Variants in PLCD1 observed in about 807,000 individuals in gnomAD.
The protein encoded by PLCD1 is 1-phosphatidylinositol 4,5-bisphosphate phosphodiesterase delta-1.
A neutral mutation model predicts 87.4 loss-of-function variants in PLCD1; 71 were observed. The ratio of observed to expected loss-of-function variants is 0.81; its 90% CI spans 0.67 to 0.99. The LOEUF (loss-of-function observed/expected upper bound fraction) is 0.99, where lower values mean the gene tolerates loss of function less well. Among genes scored for constraint, PLCD1 ranks in the 50% least tolerant of loss-of-function variants. The pLI is 0.00. For synonymous variants in PLCD1, 348 were observed against 399.2 expected, an observed-to-expected ratio of 0.87 and a Z score of 1.53; for missense variants, 867 against 1,001.5, an observed-to-expected ratio of 0.87 and a Z score of 1.81.
rs758799737 is a variant in PLCD1 at position 38,011,207 on chromosome 3, C to T, written c.790+7G>A. 6.3e-7 allele frequency: 1 copy of T among 1,599,782 alleles called. No individual in the cohort carries two copies. The highest frequency in any genetic ancestry group is 8.5e-7 in the Non-Finnish European group (1 of 1,173,380). On this transcript the variant is annotated splice_region_variant and intron_variant, in intron 5 of 14. Coordinates refer to ENST00000334661, the MANE Select transcript of PLCD1 (RefSeq NM_006225.4). ...CTGCAGGTAGCAGGCCCTGGTCAGGCTCTCACCAGTCTCGCTGGGCTCGTA... is the reference window on the plus strand; with the variant it reads ...CTGCAGGTAGCAGGCCCTGGTCAGGTTCTCACCAGTCTCGCTGGGCTCGTA...
At chr3:38,015,954 A>T (rs1700148453) in intron 3 of PLCD1, among the ~76,000 whole-genome samples, 1 of 152,154 alleles carries the variant, frequency 6.6e-6, no homozygotes, top group Non-Finnish European at 1.5e-5. Flanking sequence ...GGACACAGGG[A>T]GTATCAGGGA....
At chr3:38,028,434 G>C (rs1229387986) in intron 1 of PLCD1, among the ~76,000 whole-genome samples, 1 of 152,204 alleles carries the variant, frequency 6.6e-6, no homozygotes, top group Non-Finnish European at 1.5e-5. Flanking sequence ...TGGCTGATGG[G>C]AACATCTCTA....
At chr3:38,008,916 C>G (rs1362384436) in intron 11 of PLCD1, 126 bp downstream of exon 11, 1 of 773,342 alleles carries the variant, frequency 1.3e-6, no homozygotes, top group Non-Finnish European at 2.2e-6. Flanking sequence ...ACCAGCTCCA[C>G]AAGCCCCTGC....
At chr3:38,024,771 A>C in intron 1 of PLCD1, 1 of 1,290,886 alleles carries the variant, frequency 7.7e-7, no homozygotes, top group Non-Finnish European at 1.0e-6. Context: ...AGAATACAGG[A>C]GGCGGGACGA....
intron 11 of PLCD1, chr3:38,008,840 C>T: frequency 1.5e-6 from 1 of 663,766 alleles, no homozygotes; most frequent in Non-Finnish European, 2.7e-6. Flanking sequence ...ATTCAAAGGA[C>T]TAGTGTGCTA....
rs149467855 is a variant in PLCD1, at chr3:38,009,993, C to T, written c.1198G>A (p.Val400Met). ...ATGGCATGCAGGTGCCGCGCCATCA[C>T]GCGCTGCTGCTCCAGTGTGCAGTGG... ...ENHCTLEQQR[V>M]MARHLHAILG... Residue 400 changes from valine (V) to methionine (M), a missense_variant, in exon 8 of 15, where the codon GTG becomes ATG. Physicochemically the swap from Val to Met is conservative, Grantham distance 21 (BLOSUM62 1). Coordinates refer to ENST00000334661, the MANE Select transcript of PLCD1 (RefSeq NM_006225.4). 95 of 1,613,968 alleles carry T rather than the reference C, an allele frequency of 5.9e-5. 1 individual carries two copies. The Admixed American group carries it at 1.1e-3, about 18-fold the overall frequency.
intron 13 of PLCD1, 24 bp from the exon 14 acceptor site, chr3:38,008,187 G>C (rs747887210): frequency 1.9e-6 from 3 of 1,613,402 alleles, no homozygotes; most frequent in Non-Finnish European, 2.5e-6. Context: ...CACCATATCA[G>C]CAGCATGGAC....
chr3:38,018,251 G>T lies in PLCD1; in HGVS notation c.200-1532C>A, dbSNP rs1700185787. ...AGTCTCACCACTCACCCAGAGAAGG[G>T]AGGCAGCCAACAAAGCAGGCTCAGC... is the stretch of plus-strand genomic sequence containing the variant. On this transcript the variant is annotated intron_variant, in intron 2 of 14. Transcript: ENST00000334661. This position sits in a 1 kb window ranked among gnomAD's most constrained non-coding sequence, Gnocchi z 5.7. Among the ~76,000 whole-genome samples the T allele has an allele frequency of 6.6e-6, 1 of 152,154 alleles. No homozygotes were observed. The highest frequency in any genetic ancestry group is 2.4e-5 in the African/African-American group (1 of 41,428).
Position 38,017,494 on chromosome 3 carries a change from A to G in PLCD1, c.200-775T>C, listed in dbSNP as rs1700175910. Among the ~76,000 whole-genome samples the G allele has an allele frequency of 6.6e-6, 1 of 151,958 alleles. No individual in the cohort carries two copies. Among genetic ancestry groups the G allele is most frequent in the Admixed American group, 6.5e-5 (1 of 15,272 alleles). Reference sequence around the variant, plus strand: ...GATTACATCATTCTGCCCTTAGGGGAGCCAAGGGGAGGGCCCTCCCCTCAC... The same window carrying G: ...GATTACATCATTCTGCCCTTAGGGGGGCCAAGGGGAGGGCCCTCCCCTCAC... On this transcript the variant is annotated intron_variant, in intron 2 of 14. Coordinates refer to ENST00000334661, the MANE Select transcript of PLCD1 (RefSeq NM_006225.4). This position sits in a 1 kb window ranked among gnomAD's most constrained non-coding sequence, Gnocchi z 4.7.
At chr3:38,029,364 G>T in intron 1 of PLCD1, 142 bp downstream of exon 1, 1 of 689,404 alleles carries the variant, frequency 1.5e-6, no homozygotes, top group Non-Finnish European at 2.5e-6. Flanking sequence ...GATTTTCCCA[G>T]TCCGGAGAAG....
In PLCD1 at chr3:38,027,690, G is replaced by A. The variant is rs565047056; in HGVS notation, c.34+1816C>T. Among the ~76,000 whole-genome samples, 165 of 152,350 alleles carry A rather than the reference G, an allele frequency of 1.1e-3. 1 individual carries two copies. The highest frequency in any genetic ancestry group is 0.01 in the Middle Eastern group (3 of 294). On this transcript the variant is annotated intron_variant, in intron 1 of 14. Transcript: ENST00000334661. ...AGTGTGGTCCTGCAGCACATCCAGT[G>A]CTGGGGCACCCACACTGTGAAACGG...
chr3:38,012,677 C>T lies in PLCD1; in HGVS notation c.429-1004G>A, dbSNP rs550069469. Among the ~76,000 whole-genome samples the T allele has an allele frequency of 6.6e-5, 10 of 152,102 alleles. No homozygotes were observed. The East Asian group carries it at 9.7e-4, about 15-fold the overall frequency. On this transcript the variant is annotated intron_variant, in intron 3 of 14. Coordinates refer to ENST00000334661, the MANE Select transcript of PLCD1 (RefSeq NM_006225.4). Reference sequence around the variant, plus strand: ...GATTACAGGCGTATGCTACCATGCCCAGCTAATTTTTGTATTTTTAGTTGA... The same window carrying T: ...GATTACAGGCGTATGCTACCATGCCTAGCTAATTTTTGTATTTTTAGTTGA...
At chr3:38,021,146 TC>T (rs911892262) in intron 1 of PLCD1, among the ~76,000 whole-genome samples, 87 of 151,834 alleles carry the variant, frequency 5.7e-4, no homozygotes, top group African/African-American at 2.0e-3. Flanking sequence ...ACCCTTGCTG[TC>T]CCCCCCACCT....
At chr3:38,022,517 G>A (rs1348636780) in intron 1 of PLCD1, among the ~76,000 whole-genome samples, 2 of 152,224 alleles carry the variant, frequency 1.3e-5, no homozygotes, top group Non-Finnish European at 2.9e-5. Flanking sequence ...GGAGCTGGGA[G>A]CCAGGAAGTA....
In PLCD1 at chr3:38,009,053, C is replaced by A. The variant is rs1166395965; in HGVS notation, c.1712G>T (p.Gly571Val). 6.2e-7 allele frequency: 1 copy of A among 1,612,202 alleles called. No individual in the cohort carries two copies. The highest frequency in any genetic ancestry group is 1.7e-5 in the Admixed American group (1 of 60,008). Residue 571 changes from glycine to valine, a missense_variant, in exon 11 of 15, where the codon GGC becomes GTC. Coordinates refer to ENST00000334661, the MANE Select transcript of PLCD1 (RefSeq NM_006225.4). ...NYSPVEMWNG[G>V]CQIVALNFQT... The stretch of plus-strand genomic sequence containing the variant: ...CAGCCAGCCCATACCGATCTGGCAG[C>A]CCCCATTCCACATCTCCACGGGGCT...
At chr3:38,020,564 G>A (rs563378901) in intron 1 of PLCD1, among the ~76,000 whole-genome samples, 10 of 152,240 alleles carry the variant, frequency 6.6e-5, no homozygotes, top group African/African-American at 2.4e-4. Flanking sequence ...TGCCAGCTAA[G>A]GTGACCATGC....
intron 1 of PLCD1, chr3:38,024,326 G>A: frequency 6.2e-7 from 1 of 1,610,900 alleles, no homozygotes; most frequent in Non-Finnish European, 8.5e-7. Context: ...GGAGTGCTCT[G>A]CGCCCCTTAC....
At chr3:38,024,737 C>T (rs1385254166) in intron 1 of PLCD1, 4 of 1,393,134 alleles carry the variant, frequency 2.9e-6, no homozygotes, top group Non-Finnish European at 3.8e-6. Flanking sequence ...GAAACCGAGG[C>T]AAAGTAAATG....
Position 38,011,628 on chromosome 3 carries a change from G to T in PLCD1, c.474C>A (p.Asn158Lys). The stretch of plus-strand genomic sequence containing the variant: ...TCTGCAGCTCCTTGAAGCTCATCTT[G>T]TTGTCCTTGTTTTTGTCAGCTTTTC... ...CLRKADKNKDNKMSFKELQNF... is the reference protein window; with the variant it reads ...CLRKADKNKDKKMSFKELQNF... The change falls in exon 4 of 15, where the codon AAC becomes AAA. Residue 158 changes from asparagine (N) to lysine (K), a missense_variant. Transcript: ENST00000334661. The T allele has an allele frequency of 6.2e-7, 1 of 1,614,160 alleles. No individual in the cohort carries two copies. Among genetic ancestry groups the T allele is most frequent in the Non-Finnish European group, 8.5e-7 (1 of 1,179,982 alleles).
Sources: allele counts gnomAD v4.1 joint callset (sites outside exome capture counted in the v4.1 genomes callset), GRCh38; gene constraint gnomAD v4.1.1; non-coding constraint Gnocchi (gnomAD v3.1); transcripts MANE v1.5; gene names NCBI Gene and HGNC (gene_info 2026-07-23, HGNC 2026-07-21).